Variants in KCNN2 observed in about 807,000 individuals in gnomAD.
The protein encoded by KCNN2 is potassium calcium-activated channel subfamily N member 2.
Under a neutral mutation model 55.5 loss-of-function variants are expected in KCNN2, and 24 were observed. The observed-to-expected ratio is 0.43, with a 90% CI of 0.31 to 0.61. The LOEUF is 0.61. Among genes scored for constraint, KCNN2 ranks in the 20% least tolerant of loss-of-function variants. The pLI, the probability that KCNN2 is intolerant of heterozygous loss-of-function variation, is 0.08. For missense variants in KCNN2, 754 were observed against 853.6 expected (o/e 0.88, Z 1.45); for synonymous variants, 431 against 336.1 (o/e 1.28, Z -3.09).
chr5:114,155,131 A>G (rs549882976), intron 1 of KCNN2, among the ~76,000 whole-genome samples: 1 of 152,074 alleles, frequency 6.6e-6, no homozygotes, highest in Non-Finnish European at 1.5e-5. Flanking sequence ...AAGTGAGAAC[A>G]TGTGGTATTT....
At chr5:114,227,916 A>C (rs1358014888) in intron 2 of KCNN2, among the ~76,000 whole-genome samples, 1 of 152,134 alleles carries the variant, frequency 6.6e-6, no homozygotes, top group African/African-American at 2.4e-5. Flanking sequence ...ATAGAAGGTG[A>C]ATATATGTTG....
intron 3 of KCNN2, among the ~76,000 whole-genome samples, chr5:114,414,456 G>A (rs1019593887): frequency 2.4e-4 from 37 of 152,224 alleles, no homozygotes; most frequent in Non-Finnish European, 2.4e-4. Context: ...CTGTTTCTCC[G>A]CTGCTTGCTG....
intron 1 of KCNN2, among the ~76,000 whole-genome samples, chr5:114,217,060 A>G (rs1754020680): frequency 6.6e-6 from 1 of 152,120 alleles, no homozygotes; most frequent in South Asian, 2.1e-4. Context: ...CAAAATATGT[A>G]TAAGACTTGT....
At chr5:114,414,783 A>G (rs1472968644) in intron 3 of KCNN2, among the ~76,000 whole-genome samples, 1 of 152,178 alleles carries the variant, frequency 6.6e-6, no homozygotes, top group Non-Finnish European at 1.5e-5. Flanking sequence ...TTACAGTGTA[A>G]AAAGACAAAA....
chr5:114,256,597 G>A (rs767787482), intron 2 of KCNN2, among the ~76,000 whole-genome samples: 5 of 151,866 alleles, frequency 3.3e-5, no homozygotes, highest in Non-Finnish European at 5.9e-5. Context: ...GTATTTCTTG[G>A]TTTTCATTGC....
At chr5:114,188,055 C>T (rs988243531) in intron 1 of KCNN2, among the ~76,000 whole-genome samples, 1 of 152,106 alleles carries the variant, frequency 6.6e-6, no homozygotes, top group African/African-American at 2.4e-5. Flanking sequence ...TCAGGTGGTC[C>T]ACCCACCTCG....
At chr5:114,069,475 T>G (rs959227491) in intron 1 of KCNN2, among the ~76,000 whole-genome samples, 1 of 152,212 alleles carries the variant, frequency 6.6e-6, no homozygotes, top group Non-Finnish European at 1.5e-5. Context: ...AACTATAGAT[T>G]TCTAAGCCTT....
At chr5:114,198,063 T>TC (rs1753595064) in intron 1 of KCNN2, among the ~76,000 whole-genome samples, 1 of 151,954 alleles carries the variant, frequency 6.6e-6, no homozygotes, top group Non-Finnish European at 1.5e-5. Flanking sequence ...GTCCTGCTCC[T>TC]CCCCCCACTT....
At chr5:114,265,324 G>GGTGTGT (rs60111802) in intron 2 of KCNN2, among the ~76,000 whole-genome samples, 14 of 149,242 alleles carry the variant, frequency 9.4e-5, no homozygotes, top group African/African-American at 2.2e-4. Flanking sequence ...ATCAAGAGGA[G>GGTGTGT]GTGTGTGTGT....
chr5:114,075,367 A>C (rs1240571213), intron 1 of KCNN2, among the ~76,000 whole-genome samples: 7 of 152,222 alleles, frequency 4.6e-5, no homozygotes, highest in Admixed American at 1.3e-4. Context: ...TAATTTTGGA[A>C]GGAATCCGAA....
At position 114,191,384 on chromosome 5, in the gene KCNN2, T is replaced by A. The variant is rs369159229; in HGVS notation, c.-270-30096T>A. ...AACCTAAGCACCTAAAAATAAAAAA[T>A]TATTTATGTAACTCTTCTCTGATGC... On this transcript the variant is annotated intron_variant, in intron 1 of 10. Transcript: ENST00000512097. Among the ~76,000 whole-genome samples the A allele has an allele frequency of 7.2e-5, 11 of 152,270 alleles. No homozygotes were observed. The East Asian group carries it at 1.2e-3, about 16-fold the overall frequency.
At position 114,496,308 on chromosome 5, in the gene KCNN2, C is replaced by G. The variant is rs987566854; in HGVS notation, c.*126C>G. 2 of 1,053,072 alleles carry G rather than the reference C, an allele frequency of 1.9e-6. No individual in the cohort carries two copies. Among genetic ancestry groups the G allele is most frequent in the Non-Finnish European group, 2.7e-6 (2 of 746,516 alleles). The allele number at this position is 1,053,072 out of a possible 1,614,324, so 65.2% of individuals were successfully genotyped here. ...GGTTCTGATGTCAGAATCCTGGGAA[C>G]CTGAACACTAAGTTTTAGGCCAAAA... On this transcript the variant is annotated 3_prime_UTR_variant, in exon 8 of 8. Coordinates refer to ENST00000673685, the MANE Select transcript of KCNN2 (RefSeq NM_021614.4).
chr5:114,302,272 G>C (rs1017660600), intron 2 of KCNN2, among the ~76,000 whole-genome samples: 3 of 152,132 alleles, frequency 2.0e-5, no homozygotes, highest in African/African-American at 7.2e-5. Context: ...TAAATTCCTT[G>C]GGGATTGAGG....
intron 3 of KCNN2, among the ~76,000 whole-genome samples, chr5:114,437,757 A>G (rs1760058660): frequency 6.6e-6 from 1 of 152,186 alleles, no homozygotes; most frequent in Non-Finnish European, 1.5e-5. Context: ...CATTCTGGGA[A>G]GGTAGAAAAT....
At chr5:114,317,441 AATTAT>A (rs1221237140) in intron 2 of KCNN2, among the ~76,000 whole-genome samples, 5 of 152,194 alleles carry the variant, frequency 3.3e-5, no homozygotes, top group Admixed American at 1.3e-4. Flanking sequence ...CGCTCATGCC[AATTAT>A]ATTATTCATT....
chr5:114,313,566 G>C (rs1417065014), intron 2 of KCNN2, among the ~76,000 whole-genome samples: 1 of 152,156 alleles, frequency 6.6e-6, no homozygotes, highest in East Asian at 1.9e-4. Flanking sequence ...ACAGAAGCAC[G>C]AAGTTTGGTC....
chr5:114,082,838 T>C (rs1349253688), intron 1 of KCNN2, among the ~76,000 whole-genome samples: 1 of 152,168 alleles, frequency 6.6e-6, no homozygotes, highest in African/African-American at 2.4e-5. Flanking sequence ...ATTTCACTTA[T>C]ACAAGACACT....
At chr5:114,091,191 C>G (rs942887898) in intron 1 of KCNN2, among the ~76,000 whole-genome samples, 3 of 152,114 alleles carry the variant, frequency 2.0e-5, no homozygotes, top group African/African-American at 7.2e-5. Context: ...CTGCTATCCC[C>G]TGGCTATTTT....
intron 2 of KCNN2, among the ~76,000 whole-genome samples, chr5:114,379,784 TA>T (rs1758059327): frequency 7.1e-6 from 1 of 141,668 alleles, no homozygotes; most frequent in African/African-American, 2.6e-5. Context: ...ATATAACATA[TA>T]TATTTATAGA....
Sources: allele counts gnomAD v4.1 joint callset (sites outside exome capture counted in the v4.1 genomes callset), GRCh38; gene constraint gnomAD v4.1.1; transcripts MANE v1.5; gene names NCBI Gene and HGNC (gene_info 2026-07-23, HGNC 2026-07-21).